Variants in ITGAM observed in about 807,000 individuals in gnomAD.
ITGAM encodes integrin subunit alpha M, also known as integrin alpha-M.
A neutral mutation model predicts 137.5 loss-of-function variants in ITGAM; 79 were observed. The observed-to-expected ratio is 0.57, with a 90% CI of 0.48 to 0.69. The LOEUF (loss-of-function observed/expected upper bound fraction) is 0.69, where lower values mean the gene tolerates loss of function less well. Among genes scored for constraint, ITGAM ranks in the 30% least tolerant of loss-of-function variants. ITGAM has a pLI of 0.00. For missense variants in ITGAM, 1,343 were observed against 1,483.5 expected, an observed-to-expected ratio of 0.91 and a Z score of 1.56; for synonymous variants, 583 against 592.3, an observed-to-expected ratio of 0.98 and a Z score of 0.23.
chr16:31,332,032 C>A lies in ITGAM; in HGVS notation c.*325C>A. The A allele has an allele frequency of 3.1e-6, 1 of 318,596 alleles. No individual in the cohort carries two copies. The highest frequency in any genetic ancestry group is 5.6e-5 in the East Asian group (1 of 17,794). The allele number at this position is 318,596 out of a possible 1,614,324, so 19.7% of individuals were successfully genotyped here. On this transcript the variant is annotated 3_prime_UTR_variant, in exon 30 of 30. Coordinates refer to ENST00000544665, the MANE Select transcript of ITGAM (RefSeq NM_000632.4). ...GTGTGCGAGTGTGTGCATGTGTGTG[C>A]TCAGGGGCGTGTGGCTCACGTGTGT...
At chr16:31,265,305 C>A (rs980851193) in intron 2 of ITGAM, 90 bp from the exon 3 acceptor site, 1 of 589,042 alleles carries the variant, frequency 1.7e-6, no homozygotes, top group Non-Finnish European at 2.9e-6. Flanking sequence ...GGTATGGGCC[C>A]CCACCGTCCT....
chr16:31,281,653 A>G (rs1424102412), intron 12 of ITGAM, among the ~76,000 whole-genome samples: 1 of 151,806 alleles, frequency 6.6e-6, no homozygotes, highest in Non-Finnish European at 1.5e-5. Context: ...AGTTTTGTTG[A>G]TCTTTTCAGA....
At chr16:31,327,089 C>T (rs2080516209) in intron 22 of ITGAM, 154 bp downstream of exon 22, 1 of 706,866 alleles carries the variant, frequency 1.4e-6, no homozygotes, top group Non-Finnish European at 2.6e-6. Flanking sequence ...CGTGCTGGGC[C>T]TTGTGCTGAG....
intron 5 of ITGAM, among the ~76,000 whole-genome samples, chr16:31,267,087 C>T (rs982949299): frequency 6.6e-5 from 10 of 152,012 alleles, no homozygotes; most frequent in Admixed American, 3.3e-4. Context: ...AGGCTGGTCT[C>T]GAACTCCTGA....
chr16:31,324,882 T>C lies in ITGAM; in HGVS notation c.2290-76T>C. 1 of 1,548,176 alleles carries C rather than the reference T, an allele frequency of 6.5e-7. No individual in the cohort carries two copies. The highest frequency in any genetic ancestry group is 8.8e-7 in the Non-Finnish European group (1 of 1,140,726). ...GATTGCATCTAATTTTACTTCAACA[T>C]TTGATTTTATTGTTTAATTTCACAA... On this transcript the variant is annotated intron_variant, in intron 18 of 29. Coordinates refer to ENST00000544665, the MANE Select transcript of ITGAM (RefSeq NM_000632.4). The surrounding 1 kb of genome is among the most constrained non-coding windows in gnomAD (Gnocchi z 4.5).
At position 31,278,186 on chromosome 16, in the gene ITGAM, G is replaced by C. The variant is rs560882924; in HGVS notation, c.1356+77G>C. The C allele has an allele frequency of 8.2e-5, 119 of 1,453,832 alleles. No homozygotes were observed. In the African/African-American group the frequency reaches 1.5e-3, roughly 19 times the overall value. 90.1% of individuals were successfully genotyped at this position (1,453,832 alleles called of 1,614,324 possible). On this transcript the variant is annotated intron_variant, in intron 12 of 29. Coordinates refer to ENST00000544665, the MANE Select transcript of ITGAM (RefSeq NM_000632.4). Reference sequence around the variant, plus strand: ...TTAGAGATTCCAGGAGGGGCATTCAGATGACATGCATGGCCCTCTTGTAAA... The same window carrying C: ...TTAGAGATTCCAGGAGGGGCATTCACATGACATGCATGGCCCTCTTGTAAA...
At chr16:31,274,040 C>T (rs1037292739) in intron 8 of ITGAM, among the ~76,000 whole-genome samples, 3 of 152,172 alleles carry the variant, frequency 2.0e-5, no homozygotes, top group Non-Finnish European at 4.4e-5. Flanking sequence ...ATGGGTGTCA[C>T]GAGCAGTGCA....
intron 5 of ITGAM, among the ~76,000 whole-genome samples, chr16:31,270,746 T>TATATA (rs1410086162): frequency 1.9e-5 from 2 of 106,646 alleles, no homozygotes; most frequent in Admixed American, 8.9e-5. Flanking sequence ...TATATATATG[T>TATATA]TTTTAACGTG....
At chr16:31,268,029 A>G (rs1236287934) in intron 5 of ITGAM, among the ~76,000 whole-genome samples, 3 of 152,108 alleles carry the variant, frequency 2.0e-5, no homozygotes, top group Non-Finnish European at 4.4e-5. Flanking sequence ...TTCTATCTGT[A>G]TCTGAAAAGC....
chr16:31,316,387 GA>G lies in ITGAM; in HGVS notation c.1708-4840del, dbSNP rs553192628. Among the ~76,000 whole-genome samples, 656 of 137,746 alleles carry G rather than the reference GA, an allele frequency of 4.8e-3. 1 individual carries two copies. Among genetic ancestry groups the G allele is most frequent in the African/African-American group, 0.015 (538 of 36,856 alleles). 90.4% of individuals were successfully genotyped at this position (137,746 alleles called of 152,430 possible). A position where few individuals can be genotyped will look rare whatever the true frequency, so the allele number is the denominator to read the frequency against. Reference sequence around the variant, plus strand: ...GGGTAACAGAGCAAGACTCCGTCTGGAAAAAAAAAAAAAAGAAAAGAAAATT... The same window carrying G: ...GGGTAACAGAGCAAGACTCCGTCTGGAAAAAAAAAAAAAGAAAAGAAAATT... On this transcript the variant is annotated intron_variant, in intron 14 of 29. Transcript: ENST00000544665.
At chr16:31,291,473 C>T (rs2080086323) in intron 12 of ITGAM, among the ~76,000 whole-genome samples, 1 of 152,100 alleles carries the variant, frequency 6.6e-6, no homozygotes, top group Non-Finnish European at 1.5e-5. Context: ...ATGAGGGTTC[C>T]TCTTTCTCTG....
intron 29 of ITGAM, 77 bp downstream of exon 29, chr16:31,331,352 C>T (rs755512283): frequency 9.1e-6 from 8 of 878,526 alleles, no homozygotes; most frequent in Non-Finnish European, 1.5e-5. Flanking sequence ...TCGGTTTCCC[C>T]GGCGGGGCTG....
At position 31,324,777 on chromosome 16, in the gene ITGAM, G is replaced by A. The variant is rs1172732233; in HGVS notation, c.2284G>A (p.Ala762Thr). 2 of 1,558,162 alleles carry A rather than the reference G, an allele frequency of 1.3e-6. No homozygotes were observed. The highest frequency in any genetic ancestry group is 1.4e-5 in the African/African-American group (1 of 72,994). ...LAEDAQRLFT[A>T]LFPFEKNCGN... is the part of the protein sequence containing the mutation. ...GGAGGATGCTCAGAGACTCTTCACA[G>A]CCTTGGTGAGTCCAGAGTTGGGGTC... The change falls in exon 18 of 30, where the codon GCC becomes ACC. Residue 762 changes from alanine (A) to threonine (T), a missense_variant. Coordinates refer to ENST00000544665, the MANE Select transcript of ITGAM (RefSeq NM_000632.4). The surrounding 1 kb of genome is among the most constrained non-coding windows in gnomAD (Gnocchi z 4.5).
rs148992947 is a variant in ITGAM at position 31,299,536 on chromosome 16, C to T, written c.1707+1582C>T. ...GTTGTCCAGGCTGGTCTTGAGCTCC[C>T]GGACTCAAGTGATCCACCTGCCTTG... On this transcript the variant is annotated intron_variant, in intron 14 of 29. Coordinates refer to ENST00000544665, the MANE Select transcript of ITGAM (RefSeq NM_000632.4). 5.1e-3 allele frequency among the ~76,000 whole-genome samples: 776 copies of T among 151,940 alleles called. 6 individuals carry two copies. The highest frequency in any genetic ancestry group is 0.016 in the African/African-American group (675 of 41,472).
At chr16:31,289,675 C>A (rs2144355802) in intron 12 of ITGAM, among the ~76,000 whole-genome samples, 1 of 152,276 alleles carries the variant, frequency 6.6e-6, no homozygotes, top group East Asian at 1.9e-4. Context: ...TTAATGGATG[C>A]AGCACACCAA....
intron 12 of ITGAM, among the ~76,000 whole-genome samples, chr16:31,279,146 A>G (rs2079941709): frequency 5.3e-5 from 8 of 152,206 alleles, no homozygotes; most frequent in Admixed American, 5.2e-4. Flanking sequence ...GTTGATGGAC[A>G]TTTGGGTTGG....
intron 2 of ITGAM, among the ~76,000 whole-genome samples, chr16:31,264,618 T>C (rs2079742739): frequency 6.6e-6 from 1 of 151,916 alleles, no homozygotes; most frequent in African/African-American, 2.4e-5. Context: ...GACTCCATCT[T>C]GGGCAACAGG....
intron 12 of ITGAM, among the ~76,000 whole-genome samples, chr16:31,288,531 G>A (rs1334465327): frequency 6.6e-6 from 1 of 152,106 alleles, no homozygotes; most frequent in African/African-American, 2.4e-5. Context: ...TTAATAAATG[G>A]TGCTGGGAAA....
intron 14 of ITGAM, among the ~76,000 whole-genome samples, chr16:31,313,560 A>G (rs1374180350): frequency 6.6e-6 from 1 of 152,140 alleles, no homozygotes; most frequent in Non-Finnish European, 1.5e-5. Flanking sequence ...ACATGAACTC[A>G]TTCTCTTTTA....
Sources: allele counts gnomAD v4.1 joint callset (sites outside exome capture counted in the v4.1 genomes callset), GRCh38; gene constraint gnomAD v4.1.1; non-coding constraint Gnocchi (gnomAD v3.1); transcripts MANE v1.5; gene names NCBI Gene and HGNC (gene_info 2026-07-23, HGNC 2026-07-21).